Variants in NHSL1 observed in about 807,000 individuals in gnomAD.
NHSL1 encodes the protein NHS-like protein 1.
Under a neutral mutation model 95.0 loss-of-function variants are expected in NHSL1, and 48 were observed. That is an observed-to-expected ratio of 0.51 (90% CI 0.40 to 0.64). The LOEUF (loss-of-function observed/expected upper bound fraction) is 0.64, where lower values mean the gene tolerates loss of function less well. Ranked by LOEUF, NHSL1 falls within the 30% of genes least tolerant of loss-of-function variation. The pLI is 0.00. For synonymous variants in NHSL1, 783 were observed against 833.9 expected (o/e 0.94, Z 1.05); for missense variants, 1,971 against 2,077.7 (o/e 0.95, Z 1.00).
At chr6:138,457,989 C>T (rs1777730589) in intron 3 of NHSL1, among the ~76,000 whole-genome samples, 2 of 135,634 alleles carry the variant, frequency 1.5e-5, no homozygotes, top group African/African-American at 5.7e-5. Context: ...GACTAGGTAA[C>T]AGAGTGAAAC....
rs1257853474 is a variant in NHSL1 at position 138,431,062 on chromosome 6, G to A, written c.3283C>T (p.Arg1095Ter). The A allele has an allele frequency of 2.6e-6, 4 of 1,551,892 alleles. No individual in the cohort carries two copies. Among genetic ancestry groups the A allele is most frequent in the Non-Finnish European group, 3.5e-6 (4 of 1,147,072 alleles). The change falls in exon 6 of 8, where the codon CGA becomes TGA. Residue 1095 changes from arginine (R) to a stop codon, truncating the protein, a stop_gained. Transcript: ENST00000343505. LOFTEE classifies it high-confidence loss of function. This position sits in a 1 kb window ranked among gnomAD's most constrained non-coding sequence, Gnocchi z 4.0. ...SGAEAAQLSERTAQEQRTPVA... is the reference protein window; with the variant it reads ...SGAEAAQLSE ...GGAGTTCGTTGTTCCTGAGCTGTTC[G>A]TTCAGACAACTGTGCCGCCTCAGCG...
At chr6:138,660,152 GT>G (rs1785208868) in intron 1 of NHSL1, among the ~76,000 whole-genome samples, 1 of 152,224 alleles carries the variant, frequency 6.6e-6, no homozygotes, top group South Asian at 2.1e-4. Context: ...TAACCTAGCA[GT>G]TTTAACTACA....
chr6:138,430,284 ATCTGATCTACCTGGGT>A lies in NHSL1; in HGVS notation c.3952+93_3952+108del. ...CTACATACTGCTAGCTTTAACAGGA[ATCTGATCTACCTGGGT>A]TCTTTCCACGTGTGAGCATTCAACA... On this transcript the variant is annotated intron_variant, in intron 6 of 7. Transcript: ENST00000343505. The surrounding 1 kb of genome is among the most constrained non-coding windows in gnomAD (Gnocchi z 4.7). 7.4e-7 allele frequency: 1 copy of A among 1,356,296 alleles called. No homozygotes were observed. The highest frequency in any genetic ancestry group is 9.6e-7 in the Non-Finnish European group (1 of 1,042,502). 84.0% of individuals were successfully genotyped at this position (1,356,296 alleles called of 1,614,324 possible). A position where few individuals can be genotyped will look rare whatever the true frequency, so the allele number is the denominator to read the frequency against.
chr6:138,579,188 C>T (rs1289999867), intron 1 of NHSL1, among the ~76,000 whole-genome samples: 2 of 152,196 alleles, frequency 1.3e-5, no homozygotes, highest in South Asian at 2.1e-4. Flanking sequence ...CCTGCTGAGC[C>T]GCCTGGTTCC....
intron 1 of NHSL1, among the ~76,000 whole-genome samples, chr6:138,601,609 C>A (rs1784371747): frequency 6.6e-6 from 1 of 152,118 alleles, no homozygotes; most frequent in Admixed American, 6.5e-5. Flanking sequence ...GTCAAGAGAT[C>A]AAGACCATCC....
intron 1 of NHSL1, among the ~76,000 whole-genome samples, chr6:138,662,581 A>T (rs1785240685): frequency 6.6e-6 from 1 of 152,180 alleles, no homozygotes; most frequent in Admixed American, 6.5e-5. Context: ...ATTCATAGTC[A>T]TTTGACTTGC....
chr6:138,681,975 C>T (rs1481053773), intron 1 of NHSL1, among the ~76,000 whole-genome samples: 2 of 128,972 alleles, frequency 1.6e-5, no homozygotes, highest in East Asian at 2.8e-4. Flanking sequence ...AAGTAAGATA[C>T]CGCTTTTCTT....
At chr6:138,676,479 G>C (rs1785450000) in intron 1 of NHSL1, among the ~76,000 whole-genome samples, 1 of 151,946 alleles carries the variant, frequency 6.6e-6, no homozygotes, top group African/African-American at 2.4e-5. Context: ...GTTTATTATA[G>C]AACAGGCACT....
intron 1 of NHSL1, among the ~76,000 whole-genome samples, chr6:138,684,967 A>AT (rs150711736): frequency 1.3e-4 from 19 of 150,290 alleles, no homozygotes; most frequent in East Asian, 3.9e-4. Context: ...ACTTATAACG[A>AT]TTTTTTTTTT....
chr6:138,494,573 T>C (rs184563645), intron 2 of NHSL1, among the ~76,000 whole-genome samples: 1 of 152,320 alleles, frequency 6.6e-6, no homozygotes, highest in Admixed American at 6.5e-5. Context: ...GTCATCATAG[T>C]GGTGGTACAT....
rs77618687 is a variant in NHSL1, at chr6:138,690,984, C to G, written c.96+1492G>C. On this transcript the variant is annotated intron_variant, in intron 1 of 3. Coordinates refer to the NHSL1 transcript ENST00000491526. ...TTGTTTTTTAATTCCCACAATAGAT[C>G]AGTTCACCTATCAATCAGATCTCCC... is the stretch of plus-strand genomic sequence containing the variant. Among the ~76,000 whole-genome samples the G allele has an allele frequency of 4.2e-3, 644 of 152,266 alleles. 2 individuals are homozygous for G. Among genetic ancestry groups the G allele is most frequent in the African/African-American group, 0.015 (613 of 41,528 alleles).
At position 138,495,005 on chromosome 6, in the gene NHSL1, G is replaced by A. The variant is rs959395097; in HGVS notation, c.211+1214C>T. Among the ~76,000 whole-genome samples, 4 of 152,272 alleles carry A rather than the reference G, an allele frequency of 2.6e-5. No individual in the cohort carries two copies. In the East Asian group the frequency reaches 7.7e-4, roughly 29 times the overall value. The stretch of plus-strand genomic sequence containing the variant: ...TGCCTGTAATCCTAGCATGTTGGGA[G>A]GCTGAGGTGGGTGGATCACATGAGG... On this transcript the variant is annotated intron_variant, in intron 2 of 7. Coordinates refer to ENST00000343505, the MANE Select transcript of NHSL1 (RefSeq NM_001144060.2).
chr6:138,584,221 T>C (rs1375942842), intron 1 of NHSL1, among the ~76,000 whole-genome samples: 1 of 152,214 alleles, frequency 6.6e-6, no homozygotes, highest in Non-Finnish European at 1.5e-5. Context: ...ACCTGATCCT[T>C]TTCCTACAAC....
At chr6:138,604,277 T>A (rs1175655189) in intron 1 of NHSL1, among the ~76,000 whole-genome samples, 2 of 152,200 alleles carry the variant, frequency 1.3e-5, no homozygotes, top group African/African-American at 4.8e-5. Flanking sequence ...AATCAGAAGG[T>A]TAATGCATTC....
At chr6:138,524,323 CCA>C (rs1303313290) in intron 1 of NHSL1, among the ~76,000 whole-genome samples, 1 of 152,170 alleles carries the variant, frequency 6.6e-6, no homozygotes, top group Admixed American at 6.5e-5. Flanking sequence ...GCCCATGTAA[CCA>C]GCACCCAGAT....
rs565974095 is a variant in NHSL1, at chr6:138,556,135, T to C, written c.202+15575A>G. Reference sequence around the variant, plus strand: ...ACCGAGAGAAGAAAATGTGTGGTCATTGCTTCAATAAGAGCTCTCTCTAAA... The same window carrying C: ...ACCGAGAGAAGAAAATGTGTGGTCACTGCTTCAATAAGAGCTCTCTCTAAA... On this transcript the variant is annotated intron_variant, in intron 1 of 6. Coordinates refer to the NHSL1 transcript ENST00000427025. Among the ~76,000 whole-genome samples, 32 of 152,222 alleles carry C rather than the reference T, an allele frequency of 2.1e-4. No homozygotes were observed. The South Asian group carries it at 4.2e-3, about 20-fold the overall frequency.
intron 7 of NHSL1, among the ~76,000 whole-genome samples, chr6:138,429,465 G>A (rs1168251419): frequency 6.6e-6 from 1 of 152,082 alleles, no homozygotes; most frequent in Admixed American, 6.5e-5. Context: ...GAAGAGCAGC[G>A]CCTACCAGAA....
At chr6:138,655,358 A>G (rs968433692) in intron 1 of NHSL1, among the ~76,000 whole-genome samples, 4 of 152,000 alleles carry the variant, frequency 2.6e-5, no homozygotes, top group South Asian at 2.1e-4. Flanking sequence ...GCTTCCTTTC[A>G]CTATAGTTAC....
chr6:138,612,626 A>T (rs139401878), intron 1 of NHSL1, among the ~76,000 whole-genome samples: 71 of 152,356 alleles, frequency 4.7e-4, no homozygotes, highest in African/African-American at 1.5e-3. Context: ...GGTCAAGAAG[A>T]ATTGTAATAT....
Sources: gnomAD v4.1 joint callset for allele counts (sites outside exome capture counted in the v4.1 genomes callset) on GRCh38, gnomAD v4.1.1 for gene constraint, Gnocchi (gnomAD v3.1) non-coding constraint, MANE v1.5 for transcripts, NCBI Gene and HGNC (gene_info 2026-07-23, HGNC 2026-07-21) for gene names.